Variants in ITGAE observed in about 807,000 individuals in gnomAD.
ITGAE encodes integrin subunit alpha E.
ITGAE carries 99 observed loss-of-function variants against 136.5 expected under a neutral mutation model. That is an observed-to-expected ratio of 0.73 (90% CI 0.62 to 0.86). ITGAE has a LOEUF of 0.86. Ranked by LOEUF, ITGAE falls within the 40% of genes least tolerant of loss-of-function variation. ITGAE has a pLI of 0.00. For synonymous variants in ITGAE, 613 were observed against 591.8 expected, an observed-to-expected ratio of 1.04 and a Z score of -0.52; for missense variants, 1,447 against 1,515.3, an observed-to-expected ratio of 0.95 and a Z score of 0.75.
At chr17:3,724,241 G>A (rs757039775) in intron 26 of ITGAE, 21 of 1,593,336 alleles carry the variant, frequency 1.3e-5, no homozygotes, top group Non-Finnish European at 1.6e-5. Flanking sequence ...AGCGCTGGAA[G>A]CTGCGAGCTC....
intron 3 of ITGAE, 31 bp downstream of exon 3, chr17:3,763,838 G>T: frequency 6.4e-7 from 1 of 1,561,120 alleles, no homozygotes; most frequent in Non-Finnish European, 8.8e-7. Flanking sequence ...GGGGTCCTGG[G>T]GAGCATTCCC....
In ITGAE at chr17:3,757,814, G is replaced by C; in HGVS notation, c.912C>G (p.Ser304=). 6.2e-7 allele frequency: 1 copy of C among 1,614,178 alleles called. No homozygotes were observed. The highest frequency in any genetic ancestry group is 8.5e-7 in the Non-Finnish European group (1 of 1,180,040). ...CATCGGTGAGCACCACCATGACCTT[G>C]GATGCCTTTCTCCTGGAGCCGTGGC... ...TSSHGSRRKA[S]KVMVVLTDGG... The change falls in exon 9 of 31, where the codon TCC becomes TCG. Residue 304 remains serine (S), a synonymous_variant. Transcript: ENST00000263087.
At chr17:3,774,405 A>T (rs2052493167) in intron 2 of ITGAE, among the ~76,000 whole-genome samples, 1 of 152,120 alleles carries the variant, frequency 6.6e-6, no homozygotes, top group Non-Finnish European at 1.5e-5. Context: ...AATGACAGAG[A>T]CATAACAGCA....
chr17:3,797,487 GTC>G (rs1287619234), intron 1 of ITGAE, among the ~76,000 whole-genome samples: 2 of 135,160 alleles, frequency 1.5e-5, no homozygotes, highest in African/African-American at 2.9e-5. Context: ...TTGAGACGGT[GTC>G]TCTCTCTGTC....
rs768624314 is a variant in ITGAE, at chr17:3,760,968, T to A, written c.598+45A>T. The A allele has an allele frequency of 3.2e-6, 5 of 1,566,554 alleles. No homozygotes were observed. In the African/African-American group the frequency reaches 5.4e-5, roughly 17 times the overall value. ...CCCTTGGAGGCCACCAGCCTAGGAA[T>A]TGGCTCTGATAGACTCAGAGCAACC... On this transcript the variant is annotated intron_variant, in intron 6 of 30. Coordinates refer to ENST00000263087, the MANE Select transcript of ITGAE (RefSeq NM_002208.5).
chr17:3,727,242 G>A (rs1210452258), intron 26 of ITGAE, among the ~76,000 whole-genome samples: 8 of 151,964 alleles, frequency 5.3e-5, no homozygotes, highest in Admixed American at 5.3e-4. Context: ...GCAAAGCAGA[G>A]ACCAAAAAAG....
At chr17:3,780,431 G>A (rs2052640649) in intron 1 of ITGAE, among the ~76,000 whole-genome samples, 1 of 151,960 alleles carries the variant, frequency 6.6e-6, no homozygotes, top group African/African-American at 2.4e-5. Flanking sequence ...CCAAAGTGCT[G>A]GGATTACAGG....
chr17:3,796,109 CTG>C (rs757595992), intron 1 of ITGAE, among the ~76,000 whole-genome samples: 12 of 128,386 alleles, frequency 9.3e-5, no homozygotes, highest in Admixed American at 1.6e-4. Flanking sequence ...GTGTGCATCC[CTG>C]TGTGCATCCC....
At chr17:3,749,920 G>T (rs572154992) in intron 16 of ITGAE, among the ~76,000 whole-genome samples, 1 of 152,080 alleles carries the variant, frequency 6.6e-6, no homozygotes, top group Non-Finnish European at 1.5e-5. Context: ...GGAGGCTGAG[G>T]CAGAAGAATT....
intron 1 of ITGAE, among the ~76,000 whole-genome samples, chr17:3,790,186 A>G (rs1218968370): frequency 6.6e-6 from 1 of 152,160 alleles, no homozygotes; most frequent in Admixed American, 6.6e-5. Context: ...TCTGAGTACC[A>G]AGGCTTTAAA....
chr17:3,793,701 A>G (rs920988942), intron 1 of ITGAE, among the ~76,000 whole-genome samples: 28 of 152,202 alleles, frequency 1.8e-4, no homozygotes, highest in Non-Finnish European at 2.2e-4. Flanking sequence ...GGCACATGCC[A>G]GCACTCCTGG....
rs1313362311 is a variant in ITGAE, at chr17:3,732,386, G to T, written c.2736C>A (p.Pro912=). The T allele has an allele frequency of 6.2e-7, 1 of 1,613,780 alleles. No individual in the cohort carries two copies. Among genetic ancestry groups the T allele is most frequent in the Non-Finnish European group, 8.5e-7 (1 of 1,179,816 alleles). The change falls in exon 22 of 31, where the codon CCC becomes CCA. Residue 912 remains proline (P), a synonymous_variant. Coordinates refer to ENST00000263087, the MANE Select transcript of ITGAE (RefSeq NM_002208.5). ...VLIMNCRIGH[P]VLKRSSAHVS... ...GACTCACAGATGACCTCTTGAGGAC[G>T]GGGTGACCAATCCTGCAGTTCATGA...
At chr17:3,729,629 C>A in intron 23 of ITGAE, 74 bp from the exon 24 acceptor site, 1 of 989,572 alleles carries the variant, frequency 1.0e-6, no homozygotes, top group Non-Finnish European at 1.6e-6. Flanking sequence ...GGGCTTCGCT[C>A]TGTTGCCCAG....
chr17:3,798,795 C>A lies in ITGAE; in HGVS notation c.34+2316G>T, dbSNP rs898239581. ...ATGGAGAAGTGAGTTGATGTGACTG[C>A]AGAATGAGTCAGGGGTGAAGACTGA... is the stretch of plus-strand genomic sequence containing the variant. On this transcript the variant is annotated intron_variant, in intron 1 of 30. Coordinates refer to ENST00000263087, the MANE Select transcript of ITGAE (RefSeq NM_002208.5). This position sits in a 1 kb window ranked among gnomAD's most constrained non-coding sequence, Gnocchi z 4.3. Among the ~76,000 whole-genome samples, 1 of 152,202 alleles carries A rather than the reference C, an allele frequency of 6.6e-6. No homozygotes were observed. Among genetic ancestry groups the A allele is most frequent in the Non-Finnish European group, 1.5e-5 (1 of 68,042 alleles).
intron 26 of ITGAE, among the ~76,000 whole-genome samples, 172 bp downstream of exon 26, chr17:3,727,747 T>G (rs2051247840): frequency 6.6e-6 from 1 of 152,140 alleles, no homozygotes; most frequent in Admixed American, 6.6e-5. Context: ...CAGGTTGCTT[T>G]AAGAGCTGAG....
At chr17:3,769,614 C>A (rs752299258) in intron 2 of ITGAE, among the ~76,000 whole-genome samples, 1 of 152,202 alleles carries the variant, frequency 6.6e-6, no homozygotes, top group Non-Finnish European at 1.5e-5. Context: ...CCTGTTACAC[C>A]CTGAGCTGGG....
At chr17:3,748,652 C>T (rs1388041902) in intron 16 of ITGAE, among the ~76,000 whole-genome samples, 1 of 152,082 alleles carries the variant, frequency 6.6e-6, no homozygotes, top group Middle Eastern at 3.2e-3. Context: ...TCACAGATGG[C>T]GTGGCTGATG....
At chr17:3,755,347 C>T (rs1036269116) in intron 11 of ITGAE, 86 bp from the exon 12 acceptor site, 35 of 1,416,992 alleles carry the variant, frequency 2.5e-5, no homozygotes, top group Non-Finnish European at 3.2e-5. Context: ...GCCAGCGCGG[C>T]TAACCTGGCT....
intron 1 of ITGAE, chr17:3,784,403 CT>C (rs759720709): frequency 4.7e-3 from 1,069 of 229,020 alleles, no homozygotes; most frequent in South Asian, 0.012. Flanking sequence ...AAACATTTTT[CT>C]TTTTTTTTTG....
Sources: gnomAD v4.1 joint callset for allele counts (sites outside exome capture counted in the v4.1 genomes callset) on GRCh38, gnomAD v4.1.1 for gene constraint, Gnocchi (gnomAD v3.1) non-coding constraint, MANE v1.5 for transcripts, NCBI Gene and HGNC (gene_info 2026-07-23, HGNC 2026-07-21) for gene names.